Variants in CHD1L observed in about 807,000 individuals in gnomAD.
CHD1L encodes the protein ATP-dependent chromatin remodeler CHD1L.
In CHD1L, 118 loss-of-function variants were observed where a neutral mutation model predicts 115.9. The ratio of observed to expected loss-of-function variants is 1.02; its 90% confidence interval spans 0.88 to 1.19. The LOEUF is 1.19. Ranked by LOEUF, CHD1L falls within the 50% of genes most tolerant of loss-of-function variation. The pLI, the probability that CHD1L is intolerant of heterozygous loss-of-function variation, is 0.00. For missense variants in CHD1L, 1,179 were observed against 1,065.3 expected (o/e 1.11, Z -1.49); for synonymous variants, 411 against 387.1 (o/e 1.06, Z -0.72).
chr1:147,238,632 A>T (rs1161318212), upstream of CHD1L, among the ~76,000 whole-genome samples: 9 of 152,226 alleles, frequency 5.9e-5, no homozygotes, highest in African/African-American at 2.2e-4. Context: ...CGACTCACAG[A>T]AAACACTGGA....
chr1:147,175,115 A>G, the CHD1L span: 1 of 152,184 alleles, frequency 6.6e-6, no homozygotes, highest in Admixed American at 6.5e-5. Flanking sequence ...TCCTCCATTT[A>G]TGACCAAGGA....
chr1:147,261,760 C>T (rs985805574), intron 6 of CHD1L, among the ~76,000 whole-genome samples: 1 of 152,066 alleles, frequency 6.6e-6, no homozygotes, highest in Non-Finnish European at 1.5e-5. Context: ...GGTTCTGGGT[C>T]ATCTAAGCAT....
At chr1:147,252,796 C>G in intron 2 of CHD1L, 61 bp downstream of exon 2, 1 of 1,346,792 alleles carries the variant, frequency 7.4e-7, no homozygotes, top group Non-Finnish European at 1.1e-6. Context: ...ATAACTCATT[C>G]TGGAGCTGAG....
In CHD1L at chr1:147,270,987, G is replaced by A. The variant is rs144757186; in HGVS notation, c.1141G>A (p.Asp381Asn). The A allele has an allele frequency of 5.6e-5, 91 of 1,613,882 alleles. No individual in the cohort carries two copies. Among genetic ancestry groups the A allele is most frequent in the South Asian group, 8.8e-5 (8 of 91,086 alleles). ...QMTQMLDILQ[D>N]YMDYRGYSYE... ...GACCCAGATGTTGGATATTCTCCAA[G>A]ACTATATGGATTACAGAGGTGACAC... Residue 381 changes from aspartate (D) to asparagine (N), a missense_variant, in exon 11 of 23, where the codon GAC becomes AAC. Coordinates refer to ENST00000369258, the MANE Select transcript of CHD1L (RefSeq NM_004284.6).
chr1:147,277,912 G>A (rs1007925971), intron 14 of CHD1L, among the ~76,000 whole-genome samples: 1 of 152,098 alleles, frequency 6.6e-6, no homozygotes, highest in Non-Finnish European at 1.5e-5. Flanking sequence ...TGGAGGGAGC[G>A]CCAGGGGTCC....
At chr1:147,265,469 CA>C (rs1673525118) in intron 7 of CHD1L, among the ~76,000 whole-genome samples, 1 of 152,080 alleles carries the variant, frequency 6.6e-6, no homozygotes, top group Non-Finnish European at 1.5e-5. Flanking sequence ...TTTTGAAATT[CA>C]AGACATCTGG....
chr1:147,179,097 C>T, the CHD1L span: 4 of 1,613,890 alleles, frequency 2.5e-6, no homozygotes, highest in Non-Finnish European at 3.4e-6. Flanking sequence ...TTGTTGCTAT[C>T]AGAACTGCTA....
At chr1:147,219,012 G>A in the CHD1L span, among the ~76,000 whole-genome samples, 5 of 152,140 alleles carry the variant, frequency 3.3e-5, no homozygotes, top group Admixed American at 3.3e-4. Flanking sequence ...TGAGAAACCC[G>A]AGAGTAGCCA....
intron 22 of CHD1L, among the ~76,000 whole-genome samples, chr1:147,295,197 T>G (rs1553975718): frequency 6.6e-6 from 1 of 152,206 alleles, no homozygotes; most frequent in African/African-American, 2.4e-5. Flanking sequence ...CTGTAAAAAC[T>G]TAGAGAAGCC....
At chr1:147,270,513 TTTC>T (rs1675745142) in intron 10 of CHD1L, among the ~76,000 whole-genome samples, 1 of 3,936 alleles carries the variant, frequency 2.5e-4, no homozygotes, top group East Asian at 6.0e-3. Flanking sequence ...GTCTCCAGTT[TTTC>T]TTTTCTTTTT....
intron 19 of CHD1L, 115 bp from the exon 20 acceptor site, chr1:147,291,367 T>G (rs940052372): frequency 1.2e-6 from 1 of 806,164 alleles, no homozygotes; most frequent in African/African-American, 1.7e-5. Flanking sequence ...GAAAGGGCTG[T>G]GTAGGAAGGT....
At chr1:147,243,597 C>T (rs956310459) in intron 1 of CHD1L, among the ~76,000 whole-genome samples, 1 of 152,106 alleles carries the variant, frequency 6.6e-6, no homozygotes, top group African/African-American at 2.4e-5. Context: ...CCTGGGTCTG[C>T]GCTGACTCGC....
chr1:147,291,933 C>T (rs1685699140), intron 20 of CHD1L, among the ~76,000 whole-genome samples: 1 of 152,026 alleles, frequency 6.6e-6, no homozygotes, highest in African/African-American at 2.4e-5. Flanking sequence ...CCTTTAAAGA[C>T]TCTGTCTCTA....
the CHD1L span, chr1:147,209,131 C>A: frequency 1.6e-6 from 2 of 1,278,336 alleles, no homozygotes; most frequent in Admixed American, 2.0e-5. Context: ...CTTCAAGAAT[C>A]ATTTCAGGCC....
At chr1:147,190,721 T>G in the CHD1L span, among the ~76,000 whole-genome samples, 1 of 152,128 alleles carries the variant, frequency 6.6e-6, no homozygotes, top group African/African-American at 2.4e-5. Context: ...TTAGGGTACA[T>G]GTGCACAATG....
intron 6 of CHD1L, among the ~76,000 whole-genome samples, chr1:147,263,524 T>C (rs587659443): frequency 2.6e-5 from 4 of 152,174 alleles, no homozygotes; most frequent in African/African-American, 9.7e-5. Flanking sequence ...CTTGTGAATG[T>C]CAGTTTAGAG....
At chr1:147,222,698 T>A in the CHD1L span, among the ~76,000 whole-genome samples, 6 of 152,214 alleles carry the variant, frequency 3.9e-5, no homozygotes, top group African/African-American at 9.6e-5. Flanking sequence ...CTTATTTATT[T>A]TCAAGGAAGC....
intron 20 of CHD1L, among the ~76,000 whole-genome samples, chr1:147,292,941 G>T (rs948588613): frequency 6.6e-6 from 1 of 152,144 alleles, no homozygotes; most frequent in African/African-American, 2.4e-5. Context: ...GTGACTAACA[G>T]CAAAGTGGTT....
At chr1:147,253,691 TCTCA>T (rs1669133296) in intron 2 of CHD1L, among the ~76,000 whole-genome samples, 1 of 152,162 alleles carries the variant, frequency 6.6e-6, no homozygotes, top group African/African-American at 2.4e-5. Flanking sequence ...AGAGATGAGG[TCTCA>T]CTATGTTGCC....
Sources: allele counts gnomAD v4.1 joint callset (sites outside exome capture counted in the v4.1 genomes callset), GRCh38; gene constraint gnomAD v4.1.1; transcripts MANE v1.5; gene names NCBI Gene and HGNC (gene_info 2026-07-23, HGNC 2026-07-21).